PKLR: variants seen among roughly 807,000 people sequenced by gnomAD.
The protein encoded by PKLR is pyruvate kinase L/R.
In PKLR, 38 loss-of-function variants were observed where a neutral mutation model predicts 53.6. The ratio of observed to expected loss-of-function variants is 0.71; its 90% CI spans 0.55 to 0.93. The LOEUF (loss-of-function observed/expected upper bound fraction) is 0.93. Ranked by LOEUF, PKLR falls within the 40% of genes least tolerant of loss-of-function variation. The pLI is 0.00. For missense variants in PKLR, 702 were observed against 787.3 expected (o/e 0.89, Z 1.30); for synonymous variants, 328 against 316.2 (o/e 1.04, Z -0.39).
chr1:155,301,118 A>G (rs1647971040), intron 1 of PKLR, 178 bp downstream of exon 1: 1 of 1,384,870 alleles, frequency 7.2e-7, no homozygotes, highest in Non-Finnish European at 9.9e-7. Context: ...TAGGGCCTGG[A>G]AAAGACCCAG....
chr1:155,294,329 C>T lies in PKLR; in HGVS notation c.1022G>A (p.Gly341Asp), dbSNP rs1227427396. The change falls in exon 7 of 11, where the codon GGC becomes GAC. Residue 341 changes from glycine (G) to aspartate (D), a missense_variant. By Grantham distance (94) the Gly-to-Asp change is moderately conservative. Around this residue, in one of 2 missense-constraint regions of PKLR, gnomAD observed 519 missense variants for 537.1 expected, o/e 0.97. Transcript: ENST00000342741. ...DGIMVARGDL[G>D]IEIPAEKVFL... ...AACCTTCTCTGCTGGGATCTCGATG[C>T]CTAGGTCCCCCCGTGCCACCATGAT... The T allele has an allele frequency of 6.2e-7, 1 of 1,613,954 alleles. No individual in the cohort carries two copies. Among genetic ancestry groups the T allele is most frequent in the Non-Finnish European group, 8.5e-7 (1 of 1,179,990 alleles).
chr1:155,301,152 C>T (rs1044458661), intron 1 of PKLR, 144 bp downstream of exon 1: 22 of 1,327,868 alleles, frequency 1.7e-5, no homozygotes, highest in Middle Eastern at 1.8e-4. Flanking sequence ...ATTTAACACA[C>T]GGGAGGCTCT....
chr1:155,290,797 T>C (rs1239982976), intron 10 of PKLR, 119 bp from the exon 11 acceptor site: 1 of 695,636 alleles, frequency 1.4e-6, no homozygotes, highest in Admixed American at 2.0e-5. Context: ...GAGACCAGCC[T>C]GGCCAACATG....
intron 2 of PKLR, among the ~76,000 whole-genome samples, chr1:155,298,863 G>A (rs938568891): frequency 2.0e-5 from 3 of 150,426 alleles, no homozygotes; most frequent in Admixed American, 6.6e-5. Context: ...GGCTGGTCTC[G>A]GACCCCTGAC....
chr1:155,293,761 A>G lies in PKLR; in HGVS notation c.1117-171T>C, dbSNP rs180679050. Among the ~76,000 whole-genome samples the G allele has an allele frequency of 6.6e-6, 1 of 152,102 alleles. No homozygotes were observed. The highest frequency in any genetic ancestry group is 1.5e-5 in the Non-Finnish European group (1 of 68,026). ...TATTTAACTTTGTCGTTTGGTCACA[A>G]CCCCTGAAAATAGGGGTCAAAGTAT... On this transcript the variant is annotated intron_variant, in intron 7 of 10. Coordinates refer to ENST00000342741, the MANE Select transcript of PKLR (RefSeq NM_000298.6). This position sits in a 1 kb window ranked among gnomAD's most constrained non-coding sequence, Gnocchi z 4.2.
Position 155,293,560 on chromosome 1 carries a change from G to C in PKLR, c.1147C>G (p.Pro383Ala), listed in dbSNP as rs767333188. The part of the protein sequence containing the change: ...MLESMITKPR[P>A]TRAETSDVAN... ...ACATCGCTTGTCTCTGCCCTCGTTGGCCGGGGCTTGGTAATCATGCTCTCC... is the reference window on the plus strand; with the variant it reads ...ACATCGCTTGTCTCTGCCCTCGTTGCCCGGGGCTTGGTAATCATGCTCTCC... Residue 383 changes from proline (P) to alanine (A), a missense_variant, in exon 8 of 11, where the codon CCA (proline) becomes GCA (alanine). Physicochemically the swap from Pro to Ala is conservative, Grantham distance 27. This residue lies in a region of PKLR where 519 missense variants were observed against 537.1 expected (regional missense o/e 0.97). Coordinates refer to ENST00000342741, the MANE Select transcript of PKLR (RefSeq NM_000298.6). The surrounding 1 kb of genome is among the most constrained non-coding windows in gnomAD (Gnocchi z 4.2). The C allele has an allele frequency of 1.6e-5, 26 of 1,614,062 alleles. 1 individual carries two copies. The highest frequency in any genetic ancestry group is 2.0e-5 in the Non-Finnish European group (24 of 1,180,034).
At chr1:155,303,689 G>A (rs1262782457), upstream of PKLR, among the ~76,000 whole-genome samples, 1 of 152,112 alleles carries the variant, frequency 6.6e-6, no homozygotes, top group African/African-American at 2.4e-5. Flanking sequence ...GCAGTGGCAC[G>A]ATCTCAGCTC....
Position 155,294,340 on chromosome 1 carries a change from C to G in PKLR, c.1011G>C (p.Arg337=), listed in dbSNP as rs781220573. 1.2e-6 allele frequency: 2 copies of G among 1,614,134 alleles called. No individual in the cohort carries two copies. The highest frequency in any genetic ancestry group is 1.6e-4 in the Middle Eastern group (1 of 6,062). The change falls in exon 7 of 11, where the codon CGG becomes CGC. Residue 337 remains arginine, a synonymous_variant. Transcript: ENST00000342741. ...CTGGGATCTCGATGCCTAGGTCCCCCCGTGCCACCATGATGCCGTCGCTCA... is the reference window on the plus strand; with the variant it reads ...CTGGGATCTCGATGCCTAGGTCCCCGCGTGCCACCATGATGCCGTCGCTCA... ...LEVSDGIMVA[R]GDLGIEIPAE...
intron 10 of PKLR, 53 bp downstream of exon 10, chr1:155,291,703 G>A: frequency 6.5e-7 from 1 of 1,542,300 alleles, no homozygotes; most frequent in Admixed American, 1.7e-5. Context: ...AGCTGGGTTG[G>A]GGGGCTCCTG....
chr1:155,296,283 G>C (rs1027478607), intron 2 of PKLR, among the ~76,000 whole-genome samples: 4 of 152,116 alleles, frequency 2.6e-5, no homozygotes. Context: ...ACCTGCTCAA[G>C]GACATAAATT....
At position 155,293,660 on chromosome 1, in the gene PKLR, C is replaced by T; in HGVS notation, c.1117-70G>A. ...ACTGGGGACCCTGCCCAAGCTACTTCTCTGACACCCACACTCTCAGAGTGT... is the reference window on the plus strand; with the variant it reads ...ACTGGGGACCCTGCCCAAGCTACTTTTCTGACACCCACACTCTCAGAGTGT... On this transcript the variant is annotated intron_variant, in intron 7 of 10. Coordinates refer to ENST00000342741, the MANE Select transcript of PKLR (RefSeq NM_000298.6). This position sits in a 1 kb window ranked among gnomAD's most constrained non-coding sequence, Gnocchi z 4.2. 1 of 1,498,336 alleles carries T rather than the reference C, an allele frequency of 6.7e-7. No homozygotes were observed. Among genetic ancestry groups the T allele is most frequent in the Non-Finnish European group, 9.3e-7 (1 of 1,078,770 alleles). The allele number at this position is 1,498,336 out of a possible 1,614,324, so 92.8% of individuals were successfully genotyped here.
chr1:155,299,817 C>T (rs537118645), intron 2 of PKLR, among the ~76,000 whole-genome samples: 8 of 152,160 alleles, frequency 5.3e-5, no homozygotes, highest in African/African-American at 1.7e-4. Flanking sequence ...CACTTTCTAA[C>T]GGAATAAATA....
rs1647560148 is a variant in PKLR at position 155,295,805 on chromosome 1, G to A, written c.284-49C>T. 1 of 1,543,814 alleles carries A rather than the reference G, an allele frequency of 6.5e-7. No homozygotes were observed. The highest frequency in any genetic ancestry group is 9.0e-7 in the Non-Finnish European group (1 of 1,116,650). On this transcript the variant is annotated intron_variant, in intron 2 of 10. Coordinates refer to ENST00000342741, the MANE Select transcript of PKLR (RefSeq NM_000298.6). The surrounding 1 kb of genome is among the most constrained non-coding windows in gnomAD (Gnocchi z 4.3). ...GACAACGTTCCCCCAGAACATGAGA[G>A]GCAACCAAACCCAACCCATTACCAT...
intron 2 of PKLR, among the ~76,000 whole-genome samples, chr1:155,297,135 C>G (rs1406129834): frequency 2.0e-5 from 3 of 152,200 alleles, no homozygotes; most frequent in Non-Finnish European, 4.4e-5. Context: ...CACCTACACT[C>G]CTTTGGTGGT....
At chr1:155,308,610 G>C in the PKLR span, 2 of 985,330 alleles carry the variant, frequency 2.0e-6, no homozygotes, top group Admixed American at 1.2e-4. Context: ...GGCAGCCAAA[G>C]CCACAGCGGG....
chr1:155,294,964 G>T, intron 5 of PKLR, 152 bp downstream of exon 5: 2 of 1,036,482 alleles, frequency 1.9e-6, no homozygotes, highest in Non-Finnish European at 2.9e-6. Flanking sequence ...CAGGGTGAGC[G>T]CAGAGTCTAC....
chr1:155,292,248 A>AAAAAAAAAG (rs1314068919), intron 9 of PKLR, among the ~76,000 whole-genome samples: 18 of 152,034 alleles, frequency 1.2e-4, no homozygotes, highest in East Asian at 1.2e-3. Flanking sequence ...TAAGAAAAAA[A>AAAAAAAAAG]AAAGAAAGAA....
rs1647981030 is a variant in PKLR, at chr1:155,301,374, A to G, written c.22T>C (p.Ser8Pro). 6.2e-7 allele frequency: 1 copy of G among 1,613,812 alleles called. No homozygotes were observed. The highest frequency in any genetic ancestry group is 1.7e-5 in the Admixed American group (1 of 59,988). MSIQENISSLQLRSWVSK... is the reference protein window; with the variant it reads MSIQENIPSLQLRSWVSK... ...ACCCATGACCGAAGCTGCAGGGATG[A>G]TATGTTCTCCTGGATCGACATGCTT... is the stretch of plus-strand genomic sequence containing the variant. Residue 8 changes from serine to proline, a missense_variant, in exon 1 of 11, where the codon TCA (serine) becomes CCA (proline). This residue lies in a region of PKLR where 519 missense variants were observed against 537.1 expected (regional missense o/e 0.97). Transcript: ENST00000342741.
At chr1:155,298,958 CTTTCT>C (rs1557962917) in intron 2 of PKLR, among the ~76,000 whole-genome samples, 2 of 20,388 alleles carry the variant, frequency 9.8e-5, no homozygotes, top group Non-Finnish European at 1.8e-4. Context: ...TCACTCCTTT[CTTTCT>C]TTCTTTCTTT....
Sources: allele counts gnomAD v4.1 joint callset (sites outside exome capture counted in the v4.1 genomes callset), GRCh38; gene constraint gnomAD v4.1.1; regional missense constraint gnomAD v4.1.1; non-coding constraint Gnocchi (gnomAD v3.1); transcripts MANE v1.5; gene names NCBI Gene and HGNC (gene_info 2026-07-23, HGNC 2026-07-21).